The following GLRA3 variants were observed in gnomAD, a reference collection of about 807,000 sequenced individuals.
GLRA3 encodes the protein glycine receptor alpha 3, also known as glycine receptor subunit alpha-3.
A neutral mutation model predicts 60.4 loss-of-function variants in GLRA3; 44 were observed. That is an observed-to-expected ratio of 0.73 (90% CI 0.57 to 0.94). The LOEUF (loss-of-function observed/expected upper bound fraction) is 0.94. Among genes scored for constraint, GLRA3 ranks in the 40% least tolerant of loss-of-function variants. The pLI is 0.00. For synonymous variants in GLRA3, 223 were observed against 192.9 expected, an observed-to-expected ratio of 1.16 and a Z score of -1.29; for missense variants, 508 against 564.6, an observed-to-expected ratio of 0.90 and a Z score of 1.02.
intron 5 of GLRA3, among the ~76,000 whole-genome samples, chr4:174,706,514 C>T (rs1254608014): frequency 6.6e-6 from 1 of 152,026 alleles, no homozygotes; most frequent in Non-Finnish European, 1.5e-5. Flanking sequence ...AACATTGAAA[C>T]CAAAAGTAAC....
intron 3 of GLRA3, among the ~76,000 whole-genome samples, chr4:174,759,606 A>G (rs1737861419): frequency 6.6e-6 from 1 of 152,108 alleles, no homozygotes; most frequent in South Asian, 2.1e-4. Flanking sequence ...CAAGAATACT[A>G]ATTAATACTT....
chr4:174,706,096 G>A (rs567898608), intron 5 of GLRA3, among the ~76,000 whole-genome samples: 5 of 152,168 alleles, frequency 3.3e-5, no homozygotes, highest in East Asian at 1.9e-4. Context: ...CGGGCGTGGT[G>A]GCGGGCACCT....
rs1732551470 is a variant in GLRA3 at position 174,638,383 on chromosome 4, C to T, written c.*5403G>A. 6.6e-6 allele frequency: 1 copy of T among 152,234 alleles called. No homozygotes were observed. Among genetic ancestry groups the T allele is most frequent in the Non-Finnish European group, 1.5e-5 (1 of 68,092 alleles). The allele number at this position is 152,234 out of a possible 1,614,324, so 9.4% of individuals were successfully genotyped here. Reference sequence around the variant, plus strand: ...TCTTGGCTCACTGCAACCTCCATCTCCTGGGCTCAAGCCATTCTTCCACCT... The same window carrying T: ...TCTTGGCTCACTGCAACCTCCATCTTCTGGGCTCAAGCCATTCTTCCACCT... On this transcript the variant is annotated 3_prime_UTR_variant, in exon 10 of 10. Coordinates refer to ENST00000274093, the MANE Select transcript of GLRA3 (RefSeq NM_006529.4).
In GLRA3 at chr4:174,691,834, C is replaced by T. The variant is rs1279702628; in HGVS notation, c.575-8895G>A. On this transcript the variant is annotated intron_variant, in intron 5 of 9. Coordinates refer to ENST00000274093, the MANE Select transcript of GLRA3 (RefSeq NM_006529.4). ...GCCACCCCATCTGGGAAGTGAGGAG[C>T]GTCTCTGCCTGGCCGCCCATCGTCT... Among the ~76,000 whole-genome samples the T allele has an allele frequency of 5.4e-3, 816 of 151,928 alleles. 4 individuals carry two copies. Among genetic ancestry groups the T allele is most frequent in the Non-Finnish European group, 8.2e-3 (555 of 67,920 alleles).
Position 174,638,825 on chromosome 4 carries a change from G to A in GLRA3, c.*4961C>T, listed in dbSNP as rs182880447. 6.6e-6 allele frequency: 1 copy of A among 152,156 alleles called. No homozygotes were observed. Among genetic ancestry groups the A allele is most frequent in the African/African-American group, 2.4e-5 (1 of 41,520 alleles). 9.4% of individuals were successfully genotyped at this position (152,156 alleles called of 1,614,324 possible). A position where few individuals can be genotyped will look rare whatever the true frequency, so the allele number is the denominator to read the frequency against. ...TGGGACAGTGCCAGGCACACATAAG[G>A]TACTCAATGAATATTTGTTTAATCA... On this transcript the variant is annotated 3_prime_UTR_variant, in exon 10 of 10. Transcript: ENST00000274093.
At chr4:174,668,638 AT>A (rs1733775435) in intron 7 of GLRA3, among the ~76,000 whole-genome samples, 1 of 152,200 alleles carries the variant, frequency 6.6e-6, no homozygotes, top group African/African-American at 2.4e-5. Flanking sequence ...AGAAATAGAA[AT>A]TTAAATGTAT....
intron 3 of GLRA3, among the ~76,000 whole-genome samples, chr4:174,747,346 G>T (rs1737295949): frequency 6.6e-6 from 1 of 152,160 alleles, no homozygotes; most frequent in African/African-American, 2.4e-5. Flanking sequence ...TGCACAGTGG[G>T]TTAGGAGATG....
At chr4:174,739,148 GGTGCTGCTCTAAGAAGAAAA>G (rs1205119153) in intron 3 of GLRA3, among the ~76,000 whole-genome samples, 1 of 152,158 alleles carries the variant, frequency 6.6e-6, no homozygotes, top group Non-Finnish European at 1.5e-5. Context: ...ACTAGAAGTG[GGTGCTGCTCTAAGAAGAAAA>G]CTTAAAACAT....
intron 8 of GLRA3, 114 bp from the exon 9 acceptor site, chr4:174,656,901 T>C: frequency 1.7e-6 from 1 of 600,256 alleles, no homozygotes; most frequent in African/African-American, 1.8e-5. Flanking sequence ...TGAACAGACA[T>C]ATGTAGCAAT....
At chr4:174,720,775 T>A (rs926466518) in intron 4 of GLRA3, among the ~76,000 whole-genome samples, 1 of 152,112 alleles carries the variant, frequency 6.6e-6, no homozygotes, top group African/African-American at 2.4e-5. Flanking sequence ...TAAATGTACA[T>A]GGAGTATCAT....
chr4:174,684,725 C>T (rs1734488729), intron 5 of GLRA3, among the ~76,000 whole-genome samples: 1 of 152,034 alleles, frequency 6.6e-6, no homozygotes, highest in Non-Finnish European at 1.5e-5. Flanking sequence ...ATGTTAAAAG[C>T]GCTTGGGCGC....
chr4:174,803,504 G>T (rs79578251), intron 1 of GLRA3, among the ~76,000 whole-genome samples: 1 of 152,248 alleles, frequency 6.6e-6, no homozygotes, highest in Non-Finnish European at 1.5e-5. Context: ...TAGCCAGGAA[G>T]CTTGTATTTT....
intron 3 of GLRA3, among the ~76,000 whole-genome samples, chr4:174,744,677 G>T (rs2111178941): frequency 6.6e-6 from 1 of 152,220 alleles, no homozygotes; most frequent in Non-Finnish European, 1.5e-5. Flanking sequence ...TGAATTCAAA[G>T]AATTGTAAGA....
At chr4:174,790,794 C>T (rs1288991463) in intron 1 of GLRA3, among the ~76,000 whole-genome samples, 2 of 117,336 alleles carry the variant, frequency 1.7e-5, no homozygotes, top group Non-Finnish European at 3.4e-5. Context: ...TTCTGGCTAA[C>T]ATGGTGAAAC....
chr4:174,775,913 T>C (rs1206339547), intron 2 of GLRA3, among the ~76,000 whole-genome samples: 3 of 151,744 alleles, frequency 2.0e-5, no homozygotes, highest in Admixed American at 6.6e-5. Flanking sequence ...ATTAGTTTAA[T>C]GACATAAAAT....
intron 2 of GLRA3, among the ~76,000 whole-genome samples, chr4:174,781,225 A>G (rs1738855996): frequency 6.6e-6 from 1 of 151,830 alleles, no homozygotes; most frequent in African/African-American, 2.4e-5. Flanking sequence ...CTGGGTACAT[A>G]ACGAAATGAA....
chr4:174,781,431 A>G (rs1738866299), intron 2 of GLRA3, among the ~76,000 whole-genome samples: 1 of 145,058 alleles, frequency 6.9e-6, no homozygotes, highest in Non-Finnish European at 1.5e-5. Flanking sequence ...AAACACATTC[A>G]AAAGCTAGCA....
intron 3 of GLRA3, among the ~76,000 whole-genome samples, chr4:174,731,293 A>G (rs1201465390): frequency 6.6e-6 from 1 of 152,180 alleles, no homozygotes; most frequent in Non-Finnish European, 1.5e-5. Flanking sequence ...AATTATATTA[A>G]TTATTTTTGA....
In GLRA3 at chr4:174,642,509, C is replaced by CT; in HGVS notation, c.*1276dup. ...AGTCTGGTTCTGTTTACCAAGAACT[C>CT]TATCATACATTTGCACCCAATTACA... On this transcript the variant is annotated 3_prime_UTR_variant, in exon 10 of 10. Transcript: ENST00000274093. 2.1e-6 allele frequency: 2 copies of CT among 975,026 alleles called. No homozygotes were observed. Among genetic ancestry groups the CT allele is most frequent in the South Asian group, 9.5e-5 (2 of 21,046 alleles). The allele number at this position is 975,026 out of a possible 1,614,324, so 60.4% of individuals were successfully genotyped here. A position where few individuals can be genotyped will look rare whatever the true frequency, so the allele number is the denominator to read the frequency against.
Sources: allele counts gnomAD v4.1 joint callset (sites outside exome capture counted in the v4.1 genomes callset), GRCh38; gene constraint gnomAD v4.1.1; transcripts MANE v1.5; gene names NCBI Gene and HGNC (gene_info 2026-07-23, HGNC 2026-07-21).